NCKAP5: variants seen among roughly 807,000 people sequenced by gnomAD.
The protein encoded by NCKAP5 is NCK associated protein 5.
NCKAP5 carries 92 observed loss-of-function variants against 167.0 expected under a neutral mutation model. That is an observed-to-expected ratio of 0.55 (90% CI 0.47 to 0.66). The LOEUF (loss-of-function observed/expected upper bound fraction) is 0.66. Among genes scored for constraint, NCKAP5 ranks in the 30% least tolerant of loss-of-function variants. The probability of loss-of-function intolerance (pLI) is 0.00; values close to 1 mark genes in which losing one functional copy is unlikely to be tolerated. For missense variants in NCKAP5, 2,378 were observed against 2,315.0 expected (o/e 1.03, Z -0.56); for synonymous variants, 891 against 877.4 (o/e 1.02, Z -0.27).
Position 132,920,771 on chromosome 2 carries a change from G to GTGTATATATATA in NCKAP5, c.580-41856_580-41855insTATATATATACA, listed in dbSNP as rs1219401757. 4.0e-3 allele frequency among the ~76,000 whole-genome samples: 126 copies of GTGTATATATATA among 31,576 alleles called. 8 individuals carry two copies. The highest frequency in any genetic ancestry group is 0.014 in the South Asian group (9 of 660). The allele number at this position is 31,576 out of a possible 152,430, so 20.7% of individuals were successfully genotyped here. A position where few individuals can be genotyped will look rare whatever the true frequency, so the allele number is the denominator to read the frequency against. On this transcript the variant is annotated intron_variant, in intron 8 of 19. Coordinates refer to ENST00000409261, the MANE Select transcript of NCKAP5 (RefSeq NM_207363.3). ...TATATATATATGTATATATATGTAT[G>GTGTATATATATA]TATATATATATATATATATATATAT...
intron 6 of NCKAP5, among the ~76,000 whole-genome samples, chr2:133,042,599 T>G (rs2079251506): frequency 6.6e-6 from 1 of 152,216 alleles, no homozygotes; most frequent in Non-Finnish European, 1.5e-5. Flanking sequence ...ATGCCAAAAT[T>G]TGTATTCATA....
At chr2:133,295,114 T>C (rs535944943) in intron 4 of NCKAP5, among the ~76,000 whole-genome samples, 49 of 152,162 alleles carry the variant, frequency 3.2e-4, no homozygotes, top group Non-Finnish European at 3.1e-4. Flanking sequence ...TTCCTACAGG[T>C]TGACTTTCCC....
chr2:133,486,979 C>T (rs1402408384), intron 3 of NCKAP5, among the ~76,000 whole-genome samples: 1 of 152,144 alleles, frequency 6.6e-6, no homozygotes, highest in African/African-American at 2.4e-5. Flanking sequence ...GAATCGCACC[C>T]TGGAAAACTC....
chr2:133,570,700 G>A (rs747982198), upstream of NCKAP5, among the ~76,000 whole-genome samples: 35 of 152,138 alleles, frequency 2.3e-4, no homozygotes, highest in Admixed American at 6.6e-5. Flanking sequence ...AGTGTGAGCC[G>A]CTTCGGTTCA....
At chr2:133,095,036 C>T (rs1286954049) in intron 6 of NCKAP5, among the ~76,000 whole-genome samples, 1 of 152,132 alleles carries the variant, frequency 6.6e-6, no homozygotes, top group Admixed American at 6.5e-5. Context: ...AAGAACCAAG[C>T]CTGGCTGGCA....
intron 5 of NCKAP5, among the ~76,000 whole-genome samples, chr2:133,147,765 T>C (rs956818658): frequency 3.9e-5 from 6 of 152,122 alleles, no homozygotes; most frequent in Admixed American, 2.6e-4. Context: ...CCCCAAAGGA[T>C]AGGAATCTAC....
rs1441993248 is a variant in NCKAP5, at chr2:133,012,812, T to C, written c.342-18573A>G. On this transcript the variant is annotated intron_variant, in intron 6 of 19. Transcript: ENST00000409261. Reference sequence around the variant, plus strand: ...TCTCTCAAATCATTTACTGCCCCCTTTCCTTCAGATTTCCAAACCTAAATC... The same window carrying C: ...TCTCTCAAATCATTTACTGCCCCCTCTCCTTCAGATTTCCAAACCTAAATC... 4.6e-5 allele frequency among the ~76,000 whole-genome samples: 7 copies of C among 152,074 alleles called. No homozygotes were observed. In the East Asian group the frequency reaches 1.4e-3, roughly 29 times the overall value.
intron 8 of NCKAP5, among the ~76,000 whole-genome samples, chr2:132,947,727 C>G (rs1697864338): frequency 6.6e-6 from 1 of 152,126 alleles, no homozygotes; most frequent in Admixed American, 6.5e-5. Flanking sequence ...GTAGAGAGGA[C>G]ACTTGTTTTC....
At chr2:132,932,834 T>C (rs1234406592) in intron 8 of NCKAP5, among the ~76,000 whole-genome samples, 1 of 151,830 alleles carries the variant, frequency 6.6e-6, no homozygotes, top group Non-Finnish European at 1.5e-5. Flanking sequence ...CCTGATGAGA[T>C]ACTGCAAGGG....
chr2:133,241,120 G>A (rs137900139), intron 4 of NCKAP5, among the ~76,000 whole-genome samples: 289 of 152,282 alleles, frequency 1.9e-3, no homozygotes, highest in Middle Eastern at 0.017. Context: ...CAAGTTAAAC[G>A]TTTTAGCTAA....
At chr2:132,886,112 T>A (rs1202119181) in intron 8 of NCKAP5, among the ~76,000 whole-genome samples, 1 of 152,200 alleles carries the variant, frequency 6.6e-6, no homozygotes, top group Non-Finnish European at 1.5e-5. Flanking sequence ...CTCACTCAGT[T>A]TTGGTGGTCT....
At chr2:132,981,025 T>C (rs185418660) in intron 7 of NCKAP5, among the ~76,000 whole-genome samples, 194 of 152,312 alleles carry the variant, frequency 1.3e-3, no homozygotes, top group African/African-American at 4.3e-3. Flanking sequence ...GAAATGAGTT[T>C]CCTGTGCTAA....
At chr2:132,748,234 C>T (rs1245209827) in intron 16 of NCKAP5, among the ~76,000 whole-genome samples, 1 of 152,220 alleles carries the variant, frequency 6.6e-6, no homozygotes, top group Admixed American at 6.5e-5. Flanking sequence ...GTGTGCCTTT[C>T]TCTATACCTC....
chr2:132,749,589 G>A (rs984367826), intron 16 of NCKAP5, among the ~76,000 whole-genome samples: 8 of 152,236 alleles, frequency 5.3e-5, no homozygotes, highest in South Asian at 2.1e-4. Context: ...CTACCAAGCC[G>A]TATCCCCAGG....
intron 4 of NCKAP5, among the ~76,000 whole-genome samples, chr2:133,246,696 T>C (rs1195112207): frequency 6.6e-6 from 1 of 152,212 alleles, no homozygotes; most frequent in Non-Finnish European, 1.5e-5. Context: ...GCGTTGAAAA[T>C]AAAATGTGTT....
chr2:133,424,893 T>TA (rs1314893334), intron 3 of NCKAP5, among the ~76,000 whole-genome samples: 1 of 152,124 alleles, frequency 6.6e-6, no homozygotes, highest in African/African-American at 2.4e-5. Context: ...CAGTCATAAA[T>TA]AAAAAACAGT....
intron 3 of NCKAP5, among the ~76,000 whole-genome samples, chr2:133,311,416 C>G (rs1451131505): frequency 6.6e-6 from 1 of 152,222 alleles, no homozygotes; most frequent in Non-Finnish European, 1.5e-5. Flanking sequence ...CCAGGAACTT[C>G]CATGAGTTCA....
intron 5 of NCKAP5, among the ~76,000 whole-genome samples, chr2:133,169,356 A>G (rs566063674): frequency 6.6e-5 from 10 of 152,306 alleles, no homozygotes; most frequent in South Asian, 4.1e-4. Context: ...TTCTTTCCCA[A>G]TCAGGTCCAA....
chr2:133,273,700 A>C (rs1044359121), intron 4 of NCKAP5, among the ~76,000 whole-genome samples: 2 of 152,010 alleles, frequency 1.3e-5, no homozygotes, highest in East Asian at 3.9e-4. Context: ...AAATTATAAC[A>C]GTAGTAATAA....
Sources: allele counts gnomAD v4.1 joint callset (sites outside exome capture counted in the v4.1 genomes callset), GRCh38; gene constraint gnomAD v4.1.1; transcripts MANE v1.5; gene names NCBI Gene and HGNC (gene_info 2026-07-23, HGNC 2026-07-21).